Variants in EFHC1 observed in about 807,000 individuals in gnomAD.
EFHC1 encodes EF-hand domain-containing protein 1.
EFHC1 carries 53 observed loss-of-function variants against 69.9 expected under a neutral mutation model. The ratio of observed to expected loss-of-function variants is 0.76; its 90% confidence interval spans 0.61 to 0.95. EFHC1 has a LOEUF of 0.95. EFHC1 is among the 40% of genes least tolerant of loss of function. The pLI is 0.00. For missense variants in EFHC1, 739 were observed against 798.7 expected, an observed-to-expected ratio of 0.93 and a Z score of 0.90; for synonymous variants, 256 against 278.4, an observed-to-expected ratio of 0.92 and a Z score of 0.80.
At chr6:52,456,412 A>G (rs1765045550) in intron 5 of EFHC1, among the ~76,000 whole-genome samples, 1 of 152,264 alleles carries the variant, frequency 6.6e-6, no homozygotes, top group Non-Finnish European at 1.5e-5. Flanking sequence ...AAGAAAATGG[A>G]TAGGAATATA....
intron 2 of EFHC1, among the ~76,000 whole-genome samples, chr6:52,434,517 A>G (rs1055705666): frequency 6.6e-6 from 1 of 152,032 alleles, no homozygotes; most frequent in Non-Finnish European, 1.5e-5. Context: ...TAGTTTGGGC[A>G]CTCACAGTAT....
chr6:52,420,923 A>C (rs1047713404), intron 1 of EFHC1: 70 of 758,818 alleles, frequency 9.2e-5, no homozygotes, highest in Non-Finnish European at 1.1e-4. Flanking sequence ...CCCCGCCACT[A>C]TGCACCTTCA....
chr6:52,443,973 GTTTGT>G (rs1177117473), intron 3 of EFHC1, among the ~76,000 whole-genome samples: 1 of 152,140 alleles, frequency 6.6e-6, no homozygotes, highest in Non-Finnish European at 1.5e-5. Flanking sequence ...TTGAGCAGTG[GTTTGT>G]AGTTCTCCTT....
chr6:52,493,308 G>A lies in EFHC1; in HGVS notation c.*967G>A, dbSNP rs1200603867. On this transcript the variant is annotated 3_prime_UTR_variant, in exon 11 of 11. Coordinates refer to ENST00000371068, the MANE Select transcript of EFHC1 (RefSeq NM_018100.4). ...ATTTACCCTGCAGATCTTGGGACTT[G>A]TAAGCCTTCATAATTGTGTGAGCAA... is the stretch of plus-strand genomic sequence containing the variant. The A allele has an allele frequency of 4.5e-6, 2 of 442,790 alleles. No individual in the cohort carries two copies. Among genetic ancestry groups the A allele is most frequent in the Admixed American group, 4.8e-5 (2 of 41,286 alleles). 27.4% of individuals were successfully genotyped at this position (442,790 alleles called of 1,614,324 possible).
In EFHC1 at chr6:52,436,831, G is replaced by C. The variant is rs185304888; in HGVS notation, c.286-1473G>C. On this transcript the variant is annotated intron_variant, in intron 2 of 10. Coordinates refer to ENST00000371068, the MANE Select transcript of EFHC1 (RefSeq NM_018100.4). Reference sequence around the variant, plus strand: ...TAATTTTTGTATTTTTAGTACAGACGGGGTTTCACCATGTTGGCCAGACTG... The same window carrying C: ...TAATTTTTGTATTTTTAGTACAGACCGGGTTTCACCATGTTGGCCAGACTG... Among the ~76,000 whole-genome samples the C allele has an allele frequency of 5.3e-5, 8 of 152,106 alleles. No homozygotes were observed. The East Asian group carries it at 1.5e-3, about 29-fold the overall frequency.
Position 52,452,557 on chromosome 6 carries a change from C to T in EFHC1, c.574-131C>T, listed in dbSNP as rs1764938290. ...GTTTCAGGAGTCCTCCTACCTCAGCCTCCCAAAGTGCTGAGATTGTAGGCC... is the reference window on the plus strand; with the variant it reads ...GTTTCAGGAGTCCTCCTACCTCAGCTTCCCAAAGTGCTGAGATTGTAGGCC... On this transcript the variant is annotated intron_variant, in intron 3 of 10. Transcript: ENST00000371068. 60 of 1,021,360 alleles carry T rather than the reference C, an allele frequency of 5.9e-5. No homozygotes were observed. In the South Asian group the frequency reaches 7.9e-4, roughly 13 times the overall value. 63.3% of individuals were successfully genotyped at this position (1,021,360 alleles called of 1,614,324 possible). A position where few individuals can be genotyped will look rare whatever the true frequency, so the allele number is the denominator to read the frequency against.
At chr6:52,428,927 A>G (rs780407631) in intron 2 of EFHC1, among the ~76,000 whole-genome samples, 9 of 152,052 alleles carry the variant, frequency 5.9e-5, no homozygotes, top group Non-Finnish European at 1.0e-4. Flanking sequence ...TTTGATTTAC[A>G]TTTCCCTGAT....
At chr6:52,457,258 A>G (rs1028438200) in intron 5 of EFHC1, among the ~76,000 whole-genome samples, 3 of 152,244 alleles carry the variant, frequency 2.0e-5, no homozygotes, top group Non-Finnish European at 4.4e-5. Context: ...CTGATTATGT[A>G]ATTAGTTAAG....
intron 2 of EFHC1, 69 bp from the exon 3 acceptor site, chr6:52,438,235 A>G: frequency 6.9e-7 from 1 of 1,451,744 alleles, no homozygotes; most frequent in Non-Finnish European, 9.5e-7. Context: ...TCAGGAAGGT[A>G]CTTGATATTT....
At chr6:52,436,066 A>C (rs1215520204) in intron 2 of EFHC1, among the ~76,000 whole-genome samples, 1 of 152,188 alleles carries the variant, frequency 6.6e-6, no homozygotes, top group East Asian at 1.9e-4. Context: ...CTAGCTGATC[A>C]GTTCAGCTTT....
rs1443450604 is a variant in EFHC1, at chr6:52,420,388, T to G, written c.-23T>G. 1.9e-6 allele frequency: 3 copies of G among 1,614,084 alleles called. No homozygotes were observed. Among genetic ancestry groups the G allele is most frequent in the Non-Finnish European group, 2.5e-6 (3 of 1,180,038 alleles). Reference sequence around the variant, plus strand: ...CGGAGAGGACGAAGCAGGACCTAGGTGGCGGCGGTGGTACCGGCTGCAATG... The same window carrying G: ...CGGAGAGGACGAAGCAGGACCTAGGGGGCGGCGGTGGTACCGGCTGCAATG... On this transcript the variant is annotated 5_prime_UTR_variant, in exon 1 of 11. Transcript: ENST00000371068.
chr6:52,490,392 G>A (rs1259665208), intron 10 of EFHC1, 42 bp downstream of exon 10: 5 of 1,556,372 alleles, frequency 3.2e-6, no homozygotes, highest in Non-Finnish European at 3.5e-6. Context: ...CAGAGGCTAG[G>A]CACTGATCAT....
chr6:52,469,025 C>T (rs1765374822), intron 6 of EFHC1: 2 of 395,910 alleles, frequency 5.1e-6, no homozygotes, highest in African/African-American at 2.1e-5. Flanking sequence ...ACACAGGACC[C>T]TCACTGGGGT....
At chr6:52,469,502 T>G (rs748549661) in intron 7 of EFHC1, 29 bp downstream of exon 7, 2 of 1,612,074 alleles carry the variant, frequency 1.2e-6, no homozygotes, top group African/African-American at 1.3e-5. Context: ...TACTAAAGAT[T>G]CTCTTCTATC....
intron 7 of EFHC1, among the ~76,000 whole-genome samples, chr6:52,478,242 A>T (rs1449727723): frequency 6.7e-6 from 1 of 150,090 alleles, no homozygotes; most frequent in Non-Finnish European, 1.5e-5. Context: ...ACATGGACAC[A>T]GGAAGGGGAA....
chr6:52,461,638 T>TC (rs1045302845), intron 5 of EFHC1, among the ~76,000 whole-genome samples: 139 of 152,278 alleles, frequency 9.1e-4, no homozygotes, highest in Middle Eastern at 3.4e-3. Context: ...CTTTGAGGAA[T>TC]CACCACACTG....
intron 5 of EFHC1, among the ~76,000 whole-genome samples, chr6:52,458,194 A>T (rs1562454669): frequency 6.6e-6 from 1 of 152,154 alleles, no homozygotes; most frequent in Non-Finnish European, 1.5e-5. Context: ...CCCTTACCTC[A>T]CCATACATAA....
Position 52,453,419 on chromosome 6 carries a change from C to T in EFHC1, c.723+582C>T, listed in dbSNP as rs1478886604. The T allele has an allele frequency of 1.6e-6, 2 of 1,287,104 alleles. 1 individual carries two copies. The highest frequency in any genetic ancestry group is 2.5e-5 in the South Asian group (2 of 80,918). The allele number at this position is 1,287,104 out of a possible 1,614,324, so 79.7% of individuals were successfully genotyped here. A position where few individuals can be genotyped will look rare whatever the true frequency, so the allele number is the denominator to read the frequency against. ...AGATTTAAATCCTTCCCTTTCTGTA[C>T]TAAAGGGAGAAAGAAAAGGAAGAGA... On this transcript the variant is annotated intron_variant, in intron 4 of 10. Coordinates refer to ENST00000371068, the MANE Select transcript of EFHC1 (RefSeq NM_018100.4).
In EFHC1 at chr6:52,479,233, T is replaced by C. The variant is rs1765615363; in HGVS notation, c.1475T>C (p.Ile492Thr). 6 of 1,614,100 alleles carry C rather than the reference T, an allele frequency of 3.7e-6. No individual in the cohort carries two copies. Among genetic ancestry groups the C allele is most frequent in the East Asian group, 4.5e-5 (2 of 44,886 alleles). ...PVYYGPSDFF[I>T]GAVIEVFGHR... ...TACTATGGCCCCAGTGACTTCTTCA[T>C]TGGTGCTGTGATTGAAGGTAGGTCT... The change falls in exon 8 of 11, where the codon ATT (isoleucine) becomes ACT (threonine). Residue 492 changes from isoleucine (I) to threonine (T), a missense_variant. Ile to Thr is a moderately conservative substitution (Grantham distance 89). Transcript: ENST00000371068.
Sources: allele counts gnomAD v4.1 joint callset (sites outside exome capture counted in the v4.1 genomes callset), GRCh38; gene constraint gnomAD v4.1.1; transcripts MANE v1.5; gene names NCBI Gene and HGNC (gene_info 2026-07-23, HGNC 2026-07-21).